The following CNTN4 variants were observed in gnomAD, a reference collection of about 807,000 sequenced individuals.
The protein encoded by CNTN4 is contactin 4.
Under a neutral mutation model 122.5 loss-of-function variants are expected in CNTN4, and 77 were observed. The ratio of observed to expected loss-of-function variants is 0.63; its 90% CI spans 0.52 to 0.76. The LOEUF (loss-of-function observed/expected upper bound fraction) is 0.76, where lower values mean the gene tolerates loss of function less well. Ranked by LOEUF, CNTN4 falls within the 30% of genes least tolerant of loss-of-function variation. The pLI is 0.00. For missense variants in CNTN4, 1,256 were observed against 1,259.1 expected (o/e 1.00, Z 0.04); for synonymous variants, 512 against 447.0 (o/e 1.15, Z -1.83).
At chr3:2,907,934 A>G (rs1392510466) in intron 12 of CNTN4, among the ~76,000 whole-genome samples, 1 of 152,236 alleles carries the variant, frequency 6.6e-6, no homozygotes, top group Non-Finnish European at 1.5e-5. Context: ...CCTGGTTATG[A>G]GTACATCAAA....
chr3:2,736,398 A>G (rs2089094083), intron 5 of CNTN4, 57 bp downstream of exon 5: 2 of 1,421,106 alleles, frequency 1.4e-6, no homozygotes, highest in South Asian at 1.2e-5. Flanking sequence ...ATTAAAATCA[A>G]CAAATACTTA....
intron 7 of CNTN4, among the ~76,000 whole-genome samples, chr3:2,823,053 A>T (rs1428039334): frequency 6.6e-6 from 1 of 152,248 alleles, no homozygotes; most frequent in African/African-American, 2.4e-5. Flanking sequence ...GACAAGGGAA[A>T]CAATGATTAT....
chr3:2,416,427 A>G (rs751597508), intron 3 of CNTN4, among the ~76,000 whole-genome samples: 19 of 152,200 alleles, frequency 1.2e-4, no homozygotes, highest in Non-Finnish European at 2.1e-4. Context: ...TAATTTAAAT[A>G]TACAGAAATG....
chr3:2,697,807 G>A (rs1288112991), intron 4 of CNTN4, among the ~76,000 whole-genome samples: 1 of 152,170 alleles, frequency 6.6e-6, no homozygotes, highest in Non-Finnish European at 1.5e-5. Flanking sequence ...GCAGTCTGGA[G>A]ATTCAGGGAA....
At chr3:2,739,347 G>A (rs551272043) in intron 5 of CNTN4, among the ~76,000 whole-genome samples, 3 of 151,780 alleles carry the variant, frequency 2.0e-5, no homozygotes, top group Admixed American at 6.6e-5. Context: ...AGCTAAAGGT[G>A]CACGTACTCT....
At chr3:2,265,170 A>T (rs2149779443) in intron 2 of CNTN4, among the ~76,000 whole-genome samples, 1 of 149,580 alleles carries the variant, frequency 6.7e-6, no homozygotes, top group South Asian at 2.2e-4. Flanking sequence ...TTCCATCCAG[A>T]TTGCTGTGAA....
chr3:2,141,887 A>G (rs994247619), intron 2 of CNTN4, among the ~76,000 whole-genome samples: 3 of 152,210 alleles, frequency 2.0e-5, no homozygotes, highest in African/African-American at 4.8e-5. Context: ...TTATGAATCC[A>G]TCTTCAGTAA....
intron 3 of CNTN4, among the ~76,000 whole-genome samples, chr3:2,414,510 G>T (rs1178399073): frequency 6.6e-6 from 1 of 152,050 alleles, no homozygotes; most frequent in African/African-American, 2.4e-5. Context: ...ATTTTTGGCT[G>T]GGAATTCAAG....
intron 3 of CNTN4, among the ~76,000 whole-genome samples, chr3:2,429,848 A>G (rs2616576): frequency 0.94 from 142,827 of 152,108 alleles, 67,097 homozygotes; most frequent in East Asian, 0.99. Context: ...TGCTAACAAT[A>G]AGTGAGGCTC....
At chr3:2,248,982 G>A (rs1278201569) in intron 2 of CNTN4, among the ~76,000 whole-genome samples, 2 of 151,908 alleles carry the variant, frequency 1.3e-5, no homozygotes, top group East Asian at 3.9e-4. Flanking sequence ...TAATGAGACT[G>A]AGAGTAGTAG....
intron 13 of CNTN4, among the ~76,000 whole-genome samples, chr3:2,971,350 GTCTATCTATCTA>G (rs71058657): frequency 8.0e-5 from 12 of 150,366 alleles, no homozygotes; most frequent in African/African-American, 2.5e-4. Flanking sequence ...CTGTCTGTCT[GTCTATCTATCTA>G]TCTATCTATA....
intron 2 of CNTN4, among the ~76,000 whole-genome samples, chr3:2,195,023 C>T (rs1363392868): frequency 6.6e-5 from 10 of 152,014 alleles, no homozygotes; most frequent in Non-Finnish European, 1.5e-4. Flanking sequence ...CCTATTCTTC[C>T]TCCAGTCTAT....
At chr3:3,021,142 C>T (rs1016312740) in intron 14 of CNTN4, among the ~76,000 whole-genome samples, 1 of 152,070 alleles carries the variant, frequency 6.6e-6, no homozygotes, top group Non-Finnish European at 1.5e-5. Context: ...TTGCCTTTAT[C>T]CCTATTAAAG....
chr3:2,137,197 T>A (rs994334054), intron 2 of CNTN4, among the ~76,000 whole-genome samples: 2 of 152,204 alleles, frequency 1.3e-5, no homozygotes, highest in African/African-American at 4.8e-5. Flanking sequence ...ACTGAGGTCA[T>A]CTAGCTGTAT....
chr3:2,324,891 G>T (rs961826543), intron 2 of CNTN4, among the ~76,000 whole-genome samples: 15 of 151,890 alleles, frequency 9.9e-5, no homozygotes, highest in African/African-American at 3.6e-4. Flanking sequence ...GCTTTATTTA[G>T]TACTCTGAAG....
At chr3:2,527,909 AGTTCT>A in intron 3 of CNTN4, among the ~76,000 whole-genome samples, 1 of 152,028 alleles carries the variant, frequency 6.6e-6, no homozygotes, top group South Asian at 2.1e-4. Flanking sequence ...CTAAAGCAAG[AGTTCT>A]GCTTTCCTTT....
intron 9 of CNTN4, among the ~76,000 whole-genome samples, chr3:2,884,794 A>G (rs2093951528): frequency 6.6e-6 from 1 of 152,196 alleles, no homozygotes. Context: ...TTATGAATTA[A>G]ACTCTATTCA....
chr3:2,169,487 A>G (rs1031041608), intron 2 of CNTN4, among the ~76,000 whole-genome samples: 4 of 151,942 alleles, frequency 2.6e-5, no homozygotes, highest in South Asian at 2.1e-4. Flanking sequence ...GCTCACTGCA[A>G]GCTCCGCCTC....
chr3:2,259,696 A>G (rs1260774642), intron 2 of CNTN4, among the ~76,000 whole-genome samples: 1 of 152,166 alleles, frequency 6.6e-6, no homozygotes, highest in Admixed American at 6.5e-5. Context: ...GTATGGGGCA[A>G]ACCACCCGTA....
Sources: allele counts gnomAD v4.1 joint callset (sites outside exome capture counted in the v4.1 genomes callset), GRCh38; gene constraint gnomAD v4.1.1; transcripts MANE v1.5; gene names NCBI Gene and HGNC (gene_info 2026-07-23, HGNC 2026-07-21).